The following NPAS1 variants were observed in gnomAD, a reference collection of about 807,000 sequenced individuals.
The protein encoded by NPAS1 is neuronal PAS domain-containing protein 1.
Under a neutral mutation model 49.2 loss-of-function variants are expected in NPAS1, and 29 were observed. That is an observed-to-expected ratio of 0.59 (90% confidence interval 0.44 to 0.80). The LOEUF (loss-of-function observed/expected upper bound fraction) is 0.80, where lower values mean the gene tolerates loss of function less well. NPAS1 is among the 30% of genes least tolerant of loss of function. NPAS1 has a pLI of 0.00. For synonymous variants in NPAS1, 408 were observed against 380.4 expected (o/e 1.07, Z -0.84); for missense variants, 825 against 835.5 (o/e 0.99, Z 0.15).
chr19:47,023,888 C>T (rs1324135285), intron 3 of NPAS1, among the ~76,000 whole-genome samples: 1 of 152,022 alleles, frequency 6.6e-6, no homozygotes, highest in East Asian at 1.9e-4. Flanking sequence ...GGGCAGATCA[C>T]GAGGTCAGGA....
chr19:47,021,190 C>G lies in NPAS1; in HGVS notation c.122+21C>G. 1 of 1,512,234 alleles carries G rather than the reference C, an allele frequency of 6.6e-7. No homozygotes were observed. Among genetic ancestry groups the G allele is most frequent in the Non-Finnish European group, 8.8e-7 (1 of 1,131,836 alleles). 93.7% of individuals were successfully genotyped at this position (1,512,234 alleles called of 1,614,324 possible). On this transcript the variant is annotated intron_variant, in intron 2 of 11. Transcript: ENST00000602212. The surrounding 1 kb of genome is among the most constrained non-coding windows in gnomAD (Gnocchi z 5.7). ...CCGTGGTGAGCAAAGCCCCGCCCCC[C>G]TGGCCGCGGGCCCCCCCCCGGGTCC...
Position 47,021,066 on chromosome 19 carries a change from G to T in NPAS1, c.19G>T (p.Gly7Cys). The change falls in exon 2 of 12, where the codon GGC (glycine) becomes TGC (cysteine). Residue 7 changes from glycine (G) to cysteine (C), a missense_variant. Gly to Cys is a radical substitution (Grantham distance 159, BLOSUM62 -3). Coordinates refer to ENST00000602212, the MANE Select transcript of NPAS1 (RefSeq NM_002517.4). This position sits in a 1 kb window ranked among gnomAD's most constrained non-coding sequence, Gnocchi z 5.7. MAAPYP[G>C]SGGGSEVKCV... ...CCCGGAGATGGCGGCCCCCTATCCC[G>T]GCAGTGGCGGCGGAAGCGAGGTCAA... The T allele has an allele frequency of 1.2e-6, 2 of 1,605,966 alleles. No homozygotes were observed. The highest frequency in any genetic ancestry group is 1.7e-6 in the Non-Finnish European group (2 of 1,177,244).
rs766978385 is a variant in NPAS1, at chr19:47,032,289, C to A, written c.370C>A (p.Arg124Ser). The change falls in exon 4 of 12, where the codon CGC becomes AGC. Residue 124 changes from arginine to serine, a missense_variant. Physicochemically the swap from Arg to Ser is moderately radical, Grantham distance 110. Transcript: ENST00000602212. Reference protein sequence around the residue: ...GPPAGLAPGRRGPAALVSEVF... With the variant: ...GPPAGLAPGRSGPAALVSEVF... The stretch of plus-strand genomic sequence containing the variant: ...TCCATCTGCCCCAGCCCCAGGCCGC[C>A]GCGGCCCCGCAGCGCTGGTCTCCGA... 1.2e-6 allele frequency: 2 copies of A among 1,613,910 alleles called. No individual in the cohort carries two copies. Among genetic ancestry groups the A allele is most frequent in the South Asian group, 2.2e-5 (2 of 91,072 alleles).
chr19:47,023,675 G>A (rs35991550), intron 3 of NPAS1, among the ~76,000 whole-genome samples: 31,241 of 152,040 alleles, frequency 0.21, 3,960 homozygotes, highest in East Asian at 0.42. Flanking sequence ...GTAATAAGCC[G>A]GGCACCATGG....
chr19:47,037,217 T>C (rs2056965517), intron 6 of NPAS1, among the ~76,000 whole-genome samples: 1 of 150,464 alleles, frequency 6.6e-6, no homozygotes, highest in African/African-American at 2.4e-5. Flanking sequence ...CCGGGCGTGG[T>C]GCAGGTGCCT....
intron 3 of NPAS1, among the ~76,000 whole-genome samples, chr19:47,028,152 C>T (rs1044250918): frequency 1.4e-4 from 22 of 151,936 alleles, no homozygotes; most frequent in African/African-American, 5.1e-4. Flanking sequence ...CAGTCTGACC[C>T]AGGCTGATCC....
intron 7 of NPAS1, 127 bp from the exon 8 acceptor site, chr19:47,039,280 T>C: frequency 1.4e-6 from 2 of 1,477,176 alleles, no homozygotes; most frequent in Non-Finnish European, 1.8e-6. Flanking sequence ...GGAATGGGAC[T>C]GGGGGGGTCA....
At chr19:47,026,633 T>G (rs1398924224) in intron 3 of NPAS1, among the ~76,000 whole-genome samples, 2 of 152,112 alleles carry the variant, frequency 1.3e-5, no homozygotes, top group African/African-American at 4.8e-5. Flanking sequence ...AAGGCAGTGG[T>G]GCCCTGATGT....
chr19:47,033,975 TAAAAAAAAAAAAAAAA>T (rs532811476), intron 5 of NPAS1, among the ~76,000 whole-genome samples: 74 of 100,804 alleles, frequency 7.3e-4, no homozygotes, highest in African/African-American at 1.8e-3. Context: ...GGCTATGCCT[TAAAAAAAAAAAAAAAA>T]AAAAAAAAAA....
intron 3 of NPAS1, among the ~76,000 whole-genome samples, chr19:47,026,405 T>C (rs1469379711): frequency 6.6e-6 from 1 of 152,096 alleles, no homozygotes; most frequent in African/African-American, 2.4e-5. Flanking sequence ...GGGGTTTGGC[T>C]GTTACCCACA....
At chr19:47,037,338 C>CA (rs869125845) in intron 6 of NPAS1, among the ~76,000 whole-genome samples, 5,512 of 51,688 alleles carry the variant, frequency 0.11, 969 homozygotes, top group Non-Finnish European at 0.13. Flanking sequence ...ACTCCGTCTC[C>CA]AAAAAAAAAA....
intron 5 of NPAS1, chr19:47,035,191 A>AAAGAAGAAGAAGAAGAAG (rs56216577): frequency 0.044 from 6,598 of 148,942 alleles, 182 homozygotes; most frequent in Non-Finnish European, 0.065. Flanking sequence ...AAAAAAATAA[A>AAAGAAGAAGAAGAAGAAG]AAGAAGAAGA....
At chr19:47,024,160 G>A (rs900228739) in intron 3 of NPAS1, among the ~76,000 whole-genome samples, 9 of 152,116 alleles carry the variant, frequency 5.9e-5, no homozygotes, top group Admixed American at 2.6e-4. Context: ...GGTGGCACCC[G>A]CCTGTAGTCC....
At position 47,042,888 on chromosome 19, in the gene NPAS1, G is replaced by T. The variant is rs139868234; in HGVS notation, c.1296G>T (p.Pro432=). Reference sequence around the variant, plus strand: ...TGGCCTGTGAGGAGGCATCCAGCCCGGGGCCAGAGCCCACAGGTGAGCCCC... The same window carrying T: ...TGGCCTGTGAGGAGGCATCCAGCCCTGGGCCAGAGCCCACAGGTGAGCCCC... ...ASVACEEASS[P]GPEPTEPEPP... The change falls in exon 11 of 12, where the codon CCG becomes CCT. Residue 432 remains proline (P), a synonymous_variant. Coordinates refer to ENST00000602212, the MANE Select transcript of NPAS1 (RefSeq NM_002517.4). 4.4e-6 allele frequency: 7 copies of T among 1,601,010 alleles called. No homozygotes were observed. Among genetic ancestry groups the T allele is most frequent in the Non-Finnish European group, 6.0e-6 (7 of 1,174,138 alleles).
intron 3 of NPAS1, among the ~76,000 whole-genome samples, chr19:47,028,572 T>C (rs2056888125): frequency 6.6e-6 from 1 of 152,120 alleles, no homozygotes; most frequent in South Asian, 2.1e-4. Flanking sequence ...CCCTTCTGTC[T>C]GTTAAGTGGA....
At chr19:47,032,395 T>A in intron 4 of NPAS1, 44 bp downstream of exon 4, 3 of 1,591,212 alleles carry the variant, frequency 1.9e-6, no homozygotes, top group Non-Finnish European at 2.6e-6. Flanking sequence ...TGCTACCACC[T>A]AGCGGCCGCC....
chr19:47,026,889 G>T (rs2056874255), intron 3 of NPAS1, among the ~76,000 whole-genome samples: 1 of 151,724 alleles, frequency 6.6e-6, no homozygotes, highest in Non-Finnish European at 1.5e-5. Context: ...GGAGGCAGAG[G>T]TTGCGGTGAG....
chr19:47,045,399 G>A lies in NPAS1; in HGVS notation c.1521G>A (p.Pro507=), dbSNP rs780923380. The A allele has an allele frequency of 2.5e-6, 4 of 1,611,988 alleles. No individual in the cohort carries two copies. Among genetic ancestry groups the A allele is most frequent in the African/African-American group, 1.3e-5 (1 of 74,888 alleles). Residue 507 remains proline, a synonymous_variant, in exon 12 of 12, where the codon CCG becomes CCA. Coordinates refer to ENST00000602212, the MANE Select transcript of NPAS1 (RefSeq NM_002517.4). The stretch of plus-strand genomic sequence containing the variant: ...GGGCAGGGGTCCTGAAGCAGGATCC[G>A]GTGCGGCCATGGGGCCTGGCGCCTC... ...VIRAGVLKQD[P]VRPWGLAPPG...
Position 47,038,955 on chromosome 19 carries a change from C to T in NPAS1, c.689-81C>T. 7 of 1,200,270 alleles carry T rather than the reference C, an allele frequency of 5.8e-6. No homozygotes were observed. In the South Asian group the frequency reaches 8.6e-5, roughly 15 times the overall value. 74.4% of individuals were successfully genotyped at this position (1,200,270 alleles called of 1,614,324 possible). A position where few individuals can be genotyped will look rare whatever the true frequency, so the allele number is the denominator to read the frequency against. On this transcript the variant is annotated intron_variant, in intron 6 of 11. Coordinates refer to ENST00000602212, the MANE Select transcript of NPAS1 (RefSeq NM_002517.4). ...CCCAGCGGACATCTTGTGTCTATGTCCGGCTGGCTCTGCAAGGGTCAGGGT... is the reference window on the plus strand; with the variant it reads ...CCCAGCGGACATCTTGTGTCTATGTTCGGCTGGCTCTGCAAGGGTCAGGGT...
Sources: allele counts gnomAD v4.1 joint callset (sites outside exome capture counted in the v4.1 genomes callset), GRCh38; gene constraint gnomAD v4.1.1; non-coding constraint Gnocchi (gnomAD v3.1); transcripts MANE v1.5; gene names NCBI Gene and HGNC (gene_info 2026-07-23, HGNC 2026-07-21).